The following MICU1 variants were observed in gnomAD, a reference collection of about 807,000 sequenced individuals.
The protein encoded by MICU1 is calcium uptake protein 1, mitochondrial.
MICU1 carries 45 observed loss-of-function variants against 56.8 expected under a neutral mutation model. That is an observed-to-expected ratio of 0.79 (90% CI 0.62 to 1.02). MICU1 has a LOEUF of 1.02. Among genes scored for constraint, MICU1 ranks in the 50% least tolerant of loss-of-function variants. The pLI is 0.00. For missense variants in MICU1, 504 were observed against 587.1 expected, an observed-to-expected ratio of 0.86 and a Z score of 1.46; for synonymous variants, 186 against 195.1, an observed-to-expected ratio of 0.95 and a Z score of 0.39.
chr10:72,589,575 C>A (rs1446039184), intron 1 of MICU1, among the ~76,000 whole-genome samples: 17 of 151,168 alleles, frequency 1.1e-4, no homozygotes, highest in Non-Finnish European at 1.5e-4. Flanking sequence ...CAGAAAAATA[C>A]TGAAGGAAAA....
rs869141348 is a variant in MICU1, at chr10:72,604,271, CTT to C, written c.-2+21737_-2+21738del. On this transcript the variant is annotated intron_variant, in intron 1 of 11. Coordinates refer to ENST00000361114, the MANE Select transcript of MICU1 (RefSeq NM_001195518.2). ...GTATTTCACAGGATACTTTCCTGCC[CTT>C]TTTTTTTTTTTTTTTTTGAGACGGA... 4.9e-3 allele frequency among the ~76,000 whole-genome samples: 636 copies of C among 128,664 alleles called. 2 individuals carry two copies. Among genetic ancestry groups the C allele is most frequent in the African/African-American group, 0.019 (600 of 31,826 alleles). 84.4% of individuals were successfully genotyped at this position (128,664 alleles called of 152,430 possible). A position where few individuals can be genotyped will look rare whatever the true frequency, so the allele number is the denominator to read the frequency against.
At chr10:72,526,311 T>A (rs1361126744) in intron 5 of MICU1, among the ~76,000 whole-genome samples, 1 of 152,186 alleles carries the variant, frequency 6.6e-6, no homozygotes, top group African/African-American at 2.4e-5. Context: ...ATTCTTTTTT[T>A]TTTAAGACAG....
At chr10:72,518,021 G>T (rs1424808650) in intron 5 of MICU1, among the ~76,000 whole-genome samples, 1 of 148,602 alleles carries the variant, frequency 6.7e-6, no homozygotes, top group Non-Finnish European at 1.5e-5. Flanking sequence ...TTATTGTGTT[G>T]TTTTCTTTTC....
intron 6 of MICU1, among the ~76,000 whole-genome samples, chr10:72,485,907 A>G (rs1284275919): frequency 6.6e-6 from 1 of 151,914 alleles, no homozygotes. Context: ...ACGCACACAC[A>G]CACACACACC....
intron 6 of MICU1, among the ~76,000 whole-genome samples, chr10:72,478,314 C>T (rs1172369230): frequency 6.6e-6 from 1 of 152,134 alleles, no homozygotes; most frequent in Non-Finnish European, 1.5e-5. Context: ...CTTTTCAAGG[C>T]TTCTTTAGTG....
rs376976385 is a variant in MICU1 at position 72,385,678 on chromosome 10, C to T, written c.1181-9806G>A. ...CTGAGCAGAATTCTGACGTGCCCCC[C>T]GCCCAGTATTTCCACCCTCTGGTCC... On this transcript the variant is annotated intron_variant, in intron 10 of 11. Coordinates refer to ENST00000361114, the MANE Select transcript of MICU1 (RefSeq NM_001195518.2). 2.6e-5 allele frequency among the ~76,000 whole-genome samples: 4 copies of T among 152,144 alleles called. No individual in the cohort carries two copies. The East Asian group carries it at 7.7e-4, about 29-fold the overall frequency.
intron 1 of MICU1, among the ~76,000 whole-genome samples, chr10:72,569,237 A>ATTTTTTTTTTTTTTTTTTT (rs1178823534): frequency 5.8e-5 from 2 of 34,378 alleles, no homozygotes; most frequent in African/African-American, 2.3e-4. Flanking sequence ...ATATATATAT[A>ATTTTTTTTTTTTTTTTTTT]TTTTTTTTTT....
intron 4 of MICU1, among the ~76,000 whole-genome samples, chr10:72,544,009 C>G (rs567237030): frequency 6.6e-6 from 1 of 152,138 alleles, no homozygotes; most frequent in Non-Finnish European, 1.5e-5. Flanking sequence ...GACAGCTCGG[C>G]GCTGTGCCCT....
At chr10:72,613,937 G>A (rs1373383111) in intron 1 of MICU1, among the ~76,000 whole-genome samples, 1 of 152,130 alleles carries the variant, frequency 6.6e-6, no homozygotes, top group Non-Finnish European at 1.5e-5. Context: ...CTGAGGTCAC[G>A]AGTTCAAGAC....
At chr10:72,500,294 ATATATATATTTTTTTTTTTTTTT>A (rs1867015091) in intron 6 of MICU1, among the ~76,000 whole-genome samples, 6 of 7,138 alleles carry the variant, frequency 8.4e-4, no homozygotes, top group Admixed American at 1.9e-3. Flanking sequence ...ATATATATAT[ATATATATATTTTTTTTTTTTTTT>A]TTTTTTTTTT....
intron 8 of MICU1, among the ~76,000 whole-genome samples, chr10:72,435,548 G>C (rs190245191): frequency 1.0e-3 from 152 of 152,314 alleles, no homozygotes; most frequent in African/African-American, 3.5e-3. Flanking sequence ...GTTGGATAGT[G>C]GGGGCAGCCC....
At chr10:72,498,058 C>T (rs527379121) in intron 6 of MICU1, among the ~76,000 whole-genome samples, 66 of 152,262 alleles carry the variant, frequency 4.3e-4, no homozygotes, top group African/African-American at 1.5e-3. Flanking sequence ...TTATGGGACA[C>T]CATCATTCAT....
intron 2 of MICU1, among the ~76,000 whole-genome samples, chr10:72,564,952 A>G (rs187577914): frequency 2.6e-5 from 4 of 152,194 alleles, no homozygotes; most frequent in African/African-American, 4.8e-5. Context: ...ATTTAGTAAC[A>G]TCCCAGAAAG....
chr10:72,441,538 A>G (rs1864927882), intron 8 of MICU1, among the ~76,000 whole-genome samples: 1 of 147,236 alleles, frequency 6.8e-6, no homozygotes, highest in South Asian at 2.1e-4. Context: ...TGTACTCTAG[A>G]ACTTAAATTA....
intron 8 of MICU1, among the ~76,000 whole-genome samples, chr10:72,463,025 T>C (rs1477886576): frequency 1.3e-5 from 2 of 151,894 alleles, no homozygotes; most frequent in Non-Finnish European, 2.9e-5. Context: ...TGCAAAGCTA[T>C]CTGCAAATCA....
At chr10:72,608,106 T>C (rs1374265054) in intron 1 of MICU1, among the ~76,000 whole-genome samples, 1 of 152,194 alleles carries the variant, frequency 6.6e-6, no homozygotes, top group Non-Finnish European at 1.5e-5. Context: ...TCTCACTGTG[T>C]CACCCAAGCT....
At chr10:72,471,196 T>C (rs1865940350) in intron 8 of MICU1, among the ~76,000 whole-genome samples, 1 of 152,182 alleles carries the variant, frequency 6.6e-6, no homozygotes, top group African/African-American at 2.4e-5. Context: ...GCGATTCCCC[T>C]GCCTCAGCCT....
chr10:72,427,733 A>AATATATATATATATATATAT (rs58696519), intron 8 of MICU1, among the ~76,000 whole-genome samples: 1 of 136,292 alleles, frequency 7.3e-6, no homozygotes, highest in African/African-American at 2.8e-5. Flanking sequence ...CCATCTCTAA[A>AATATATATATATATATATAT]ATATATATAT....
chr10:72,559,186 T>C (rs1840231225), intron 3 of MICU1, among the ~76,000 whole-genome samples: 1 of 151,708 alleles, frequency 6.6e-6, no homozygotes, highest in African/African-American at 2.4e-5. Flanking sequence ...AGACTCTCTC[T>C]CCAAAAAAGA....
Sources: allele counts gnomAD v4.1 joint callset (sites outside exome capture counted in the v4.1 genomes callset), GRCh38; gene constraint gnomAD v4.1.1; transcripts MANE v1.5; gene names NCBI Gene and HGNC (gene_info 2026-07-23, HGNC 2026-07-21).